TXLNB: variants seen among roughly 807,000 people sequenced by gnomAD.
TXLNB encodes taxilin beta, also known as beta-taxilin.
Under a neutral mutation model 57.4 loss-of-function variants are expected in TXLNB, and 37 were observed. That is an observed-to-expected ratio of 0.64 (90% CI 0.50 to 0.85). TXLNB has a LOEUF of 0.85. Ranked by LOEUF, TXLNB falls within the 40% of genes least tolerant of loss-of-function variation. The probability of loss-of-function intolerance (pLI) is 0.00; values close to 1 mark genes in which losing one functional copy is unlikely to be tolerated. For synonymous variants in TXLNB, 302 were observed against 309.6 expected (o/e 0.98, Z 0.26); for missense variants, 848 against 825.6 (o/e 1.03, Z -0.33).
chr6:139,305,164 T>C, the TXLNB span, among the ~76,000 whole-genome samples: 1 of 152,184 alleles, frequency 6.6e-6, no homozygotes, highest in East Asian at 1.9e-4. Flanking sequence ...GCCTTCTCCT[T>C]GTTCATAACT....
chr6:139,265,494 A>C (rs981047737), intron 4 of TXLNB, among the ~76,000 whole-genome samples: 3 of 152,018 alleles, frequency 2.0e-5, no homozygotes, highest in African/African-American at 4.8e-5. Context: ...GGTTTTAATA[A>C]AGAAAAGTAA....
chr6:139,218,927 G>A, the TXLNB span, among the ~76,000 whole-genome samples: 11 of 152,102 alleles, frequency 7.2e-5, no homozygotes, highest in Non-Finnish European at 1.2e-4. Context: ...TACTCTCTGT[G>A]GTGTAAATTG....
chr6:139,282,900 G>T lies in TXLNB; in HGVS notation c.424+5576C>A, dbSNP rs1218503929. On this transcript the variant is annotated intron_variant, in intron 2 of 9. Coordinates refer to ENST00000358430, the MANE Select transcript of TXLNB (RefSeq NM_153235.4). ...TCCCTGTCTATAAAATTAGTAGGTT[G>T]ACTAGATGGATTCTGAGCTCAGAAT... is the stretch of plus-strand genomic sequence containing the variant. Among the ~76,000 whole-genome samples, 2 of 145,054 alleles carry T rather than the reference G, an allele frequency of 1.4e-5. 1 individual carries two copies. Among genetic ancestry groups the T allele is most frequent in the Non-Finnish European group, 3.1e-5 (2 of 65,196 alleles).
At chr6:139,244,515 T>G (rs1261004307) in intron 9 of TXLNB, 80 bp downstream of exon 9, 1 of 965,324 alleles carries the variant, frequency 1.0e-6, no homozygotes, top group Non-Finnish European at 1.7e-6. Flanking sequence ...TTTGTACTAT[T>G]ACCAGGTTAT....
At chr6:139,197,416 C>CTAGTAG in the TXLNB span, among the ~76,000 whole-genome samples, 1 of 152,118 alleles carries the variant, frequency 6.6e-6, no homozygotes, top group Admixed American at 6.6e-5. Context: ...TACGTGGCAC[C>CTAGTAG]TAGTAAGCAC....
At chr6:139,299,288 A>G in the TXLNB span, among the ~76,000 whole-genome samples, 1 of 152,170 alleles carries the variant, frequency 6.6e-6, no homozygotes. Context: ...CGAAGGGCTC[A>G]TGTCACCCTT....
At chr6:139,247,452 T>C (rs530996692) in intron 8 of TXLNB, among the ~76,000 whole-genome samples, 1 of 149,058 alleles carries the variant, frequency 6.7e-6, no homozygotes, top group African/African-American at 2.4e-5. Context: ...AAGTTTTTGT[T>C]TTTTTTTTTT....
chr6:139,164,419 T>G, the TXLNB span, among the ~76,000 whole-genome samples: 4 of 152,040 alleles, frequency 2.6e-5, no homozygotes, highest in Non-Finnish European at 5.9e-5. Flanking sequence ...AGATACTGAG[T>G]GCTCAGGCCT....
At chr6:139,231,404 G>A in the TXLNB span, among the ~76,000 whole-genome samples, 1 of 152,266 alleles carries the variant, frequency 6.6e-6, no homozygotes, top group South Asian at 2.1e-4. Context: ...GGAGCAGACA[G>A]GGTCAAGGTG....
the TXLNB span, among the ~76,000 whole-genome samples, chr6:139,315,505 T>C: frequency 6.6e-6 from 1 of 152,218 alleles, no homozygotes; most frequent in Non-Finnish European, 1.5e-5. Context: ...CTGCATTCTT[T>C]GAATGAAATC....
chr6:139,244,893 C>T (rs1230558405), intron 8 of TXLNB, among the ~76,000 whole-genome samples: 2 of 152,194 alleles, frequency 1.3e-5, no homozygotes, highest in East Asian at 1.9e-4. Flanking sequence ...AACTTATTTG[C>T]ACCTGAGCCA....
the TXLNB span, among the ~76,000 whole-genome samples, chr6:139,228,110 T>C: frequency 6.6e-6 from 1 of 152,244 alleles, no homozygotes; most frequent in South Asian, 2.1e-4. Context: ...CTCTTTTCTT[T>C]TGGTGTGCCA....
chr6:139,173,099 G>A, the TXLNB span, among the ~76,000 whole-genome samples: 8 of 152,148 alleles, frequency 5.3e-5, no homozygotes, highest in Admixed American at 3.9e-4. Context: ...ATCCTTGAAC[G>A]GACTTCCTAA....
At chr6:139,173,136 GCATGTGAGA>G in the TXLNB span, among the ~76,000 whole-genome samples, 5 of 152,226 alleles carry the variant, frequency 3.3e-5, no homozygotes, top group African/African-American at 1.2e-4. Flanking sequence ...AGTAGATGTG[GCATGTGAGA>G]CCCTTTTATT....
the TXLNB span, among the ~76,000 whole-genome samples, chr6:139,175,869 A>G: frequency 6.6e-6 from 1 of 152,212 alleles, no homozygotes; most frequent in Non-Finnish European, 1.5e-5. Context: ...CTTCCTTAAA[A>G]CAATTGAAGC....
the TXLNB span, among the ~76,000 whole-genome samples, chr6:139,230,742 C>G: frequency 6.6e-6 from 1 of 152,174 alleles, no homozygotes; most frequent in South Asian, 2.1e-4. Flanking sequence ...CTTGCAGCCT[C>G]ACACACCTGC....
At chr6:139,191,768 G>A in the TXLNB span, among the ~76,000 whole-genome samples, 613 of 152,228 alleles carry the variant, frequency 4.0e-3, 2 homozygotes, top group Middle Eastern at 0.014. Context: ...GGAGACTCAG[G>A]GAGTTGTGTT....
chr6:139,290,841 A>T (rs1777284910), intron 1 of TXLNB, among the ~76,000 whole-genome samples: 1 of 152,228 alleles, frequency 6.6e-6, no homozygotes, highest in African/African-American at 2.4e-5. Flanking sequence ...ACAAAAGCAT[A>T]CTGTTCTACA....
At chr6:139,319,227 C>T in the TXLNB span, among the ~76,000 whole-genome samples, 1 of 151,696 alleles carries the variant, frequency 6.6e-6, no homozygotes, top group Non-Finnish European at 1.5e-5. Context: ...CAGGCATGAG[C>T]ACCACACCCA....
Sources: allele counts gnomAD v4.1 joint callset (sites outside exome capture counted in the v4.1 genomes callset), GRCh38; gene constraint gnomAD v4.1.1; transcripts MANE v1.5; gene names NCBI Gene and HGNC (gene_info 2026-07-23, HGNC 2026-07-21).